PIK3C2G: variants seen among roughly 807,000 people sequenced by gnomAD.
The protein encoded by PIK3C2G is phosphatidylinositol-4-phosphate 3-kinase catalytic subunit type 2 gamma.
PIK3C2G carries 168 observed loss-of-function variants against 181.1 expected under a neutral mutation model. That is an observed-to-expected ratio of 0.93 (90% confidence interval 0.82 to 1.05). PIK3C2G has a LOEUF of 1.05. Ranked by LOEUF, PIK3C2G falls within the 50% of genes least tolerant of loss-of-function variation. The pLI is 0.00. For synonymous variants in PIK3C2G, 573 were observed against 592.2 expected, an observed-to-expected ratio of 0.97 and a Z score of 0.47; for missense variants, 1,869 against 1,732.8, an observed-to-expected ratio of 1.08 and a Z score of -1.40.
intron 2 of PIK3C2G, among the ~76,000 whole-genome samples, chr12:18,283,180 G>A (rs1949298007): frequency 6.6e-6 from 1 of 151,892 alleles, no homozygotes; most frequent in Non-Finnish European, 1.5e-5. Flanking sequence ...ATCATTATTG[G>A]TAGGAAAAAA....
At position 18,521,441 on chromosome 12, in the gene PIK3C2G, C is replaced by T. The variant is rs146753805; in HGVS notation, c.3323+15980C>T. ...GAGATCAGAGTTCTGTCCCCAAGCC[C>T]CTGGCTGGAGTTGTTGGAGTTCCTA... On this transcript the variant is annotated intron_variant, in intron 24 of 32. Coordinates refer to ENST00000538779, the MANE Select transcript of PIK3C2G (RefSeq NM_001288772.2). Among the ~76,000 whole-genome samples, 921 of 152,304 alleles carry T rather than the reference C, an allele frequency of 6.0e-3. 2 individuals are homozygous for T. Among genetic ancestry groups the T allele is most frequent in the Middle Eastern group, 0.01 (3 of 294 alleles).
Position 18,411,324 on chromosome 12 carries a change from A to T in PIK3C2G, c.2316-9617A>T, listed in dbSNP as rs562309376. Among the ~76,000 whole-genome samples, 9 of 152,316 alleles carry T rather than the reference A, an allele frequency of 5.9e-5. No individual in the cohort carries two copies. The East Asian group carries it at 1.5e-3, about 26-fold the overall frequency. On this transcript the variant is annotated intron_variant, in intron 16 of 32. Coordinates refer to ENST00000538779, the MANE Select transcript of PIK3C2G (RefSeq NM_001288772.2). ...GGATGATAGTTTCAGTGACACAAAC[A>T]AATGGTGTTGGGAAAACTGCTTATA... is the stretch of plus-strand genomic sequence containing the variant.
chr12:18,689,523 G>A, the PIK3C2G span, among the ~76,000 whole-genome samples: 1,323 of 152,228 alleles, frequency 8.7e-3, 15 homozygotes, highest in African/African-American at 0.03. Context: ...TTCTTCCAAC[G>A]TGGCCCAGGG....
intron 24 of PIK3C2G, among the ~76,000 whole-genome samples, chr12:18,522,442 G>T (rs1465052903): frequency 6.6e-6 from 1 of 151,654 alleles, no homozygotes; most frequent in Non-Finnish European, 1.5e-5. Flanking sequence ...AGGGCTAGTG[G>T]TGATGAACTC....
At chr12:18,658,222 T>C in the PIK3C2G span, among the ~76,000 whole-genome samples, 1 of 152,084 alleles carries the variant, frequency 6.6e-6, no homozygotes, top group South Asian at 2.1e-4. Context: ...TATTAACATT[T>C]GCATATTAGG....
chr12:18,701,346 C>T, the PIK3C2G span, among the ~76,000 whole-genome samples: 1 of 152,048 alleles, frequency 6.6e-6, no homozygotes, highest in East Asian at 1.9e-4. Flanking sequence ...AATTCATCTT[C>T]CACCATCGAT....
the PIK3C2G span, among the ~76,000 whole-genome samples, chr12:18,723,101 T>C: frequency 6.6e-6 from 1 of 151,954 alleles, no homozygotes; most frequent in Non-Finnish European, 1.5e-5. Context: ...CTGAACAATG[T>C]ATAGGAAAGG....
intron 31 of PIK3C2G, among the ~76,000 whole-genome samples, chr12:18,614,937 C>T (rs1948523035): frequency 6.6e-6 from 1 of 151,982 alleles, no homozygotes; most frequent in Admixed American, 6.6e-5. Flanking sequence ...AATTCCTGAT[C>T]AAAACTTCTC....
exon 1 of PIK3C2G, chr12:18,247,998 A>C (rs898555002): frequency 2.0e-5 from 3 of 151,734 alleles, no homozygotes; most frequent in Non-Finnish European, 4.4e-5. Flanking sequence ...GCAGAAACTA[A>C]CTACCTGGAT....
downstream of PIK3C2G, among the ~76,000 whole-genome samples, chr12:18,650,323 C>CTATA (rs1213171244): frequency 1.8e-3 from 138 of 77,908 alleles, 1 homozygote; most frequent in African/African-American, 5.8e-3. Flanking sequence ...CTCTCTCTCT[C>CTATA]TCTCTCTCTA....
chr12:18,249,962 G>GA (rs1948079694), intron 1 of PIK3C2G, among the ~76,000 whole-genome samples: 1 of 151,650 alleles, frequency 6.6e-6, no homozygotes, highest in African/African-American at 2.4e-5. Flanking sequence ...ATATCACAGT[G>GA]AAAATAATAT....
At chr12:18,424,258 G>A (rs911292041) in intron 18 of PIK3C2G, among the ~76,000 whole-genome samples, 1 of 152,118 alleles carries the variant, frequency 6.6e-6, no homozygotes, top group African/African-American at 2.4e-5. Context: ...TAATCAGGAA[G>A]TTAAATCCAA....
At chr12:18,304,084 G>A (rs936788016) in intron 5 of PIK3C2G, among the ~76,000 whole-genome samples, 1 of 152,006 alleles carries the variant, frequency 6.6e-6, no homozygotes, top group African/African-American at 2.4e-5. Flanking sequence ...CTACTTGAGA[G>A]TCTTGTTTTT....
chr12:18,723,633 A>G, the PIK3C2G span: 1 of 1,000,218 alleles, frequency 1.0e-6, no homozygotes, highest in Non-Finnish European at 1.5e-6. Context: ...GTAGTAATTT[A>G]TACTTGAAAG....
At chr12:18,429,865 G>T (rs2135752420) in intron 18 of PIK3C2G, among the ~76,000 whole-genome samples, 2 of 152,286 alleles carry the variant, frequency 1.3e-5, no homozygotes, top group Non-Finnish European at 2.9e-5. Flanking sequence ...TGCAGTGACT[G>T]CTAACAAAAT....
the PIK3C2G span, among the ~76,000 whole-genome samples, chr12:18,700,385 C>T: frequency 3.9e-4 from 59 of 151,760 alleles, no homozygotes; most frequent in African/African-American, 1.3e-3. Flanking sequence ...TTTGGGAAAA[C>T]ATTTCTTGCT....
At position 18,563,374 on chromosome 12, in the gene PIK3C2G, C is replaced by T. The variant is rs1945448816; in HGVS notation, c.3781-3C>T. ...TTGATTTCTATCTATTTACTTTCTG[C>T]AGCTGTATCTGATCCAGGTGACACA... On this transcript the variant is annotated splice_region_variant and splice_polypyrimidine_tract_variant and intron_variant, in intron 27 of 32. Coordinates refer to ENST00000538779, the MANE Select transcript of PIK3C2G (RefSeq NM_001288772.2). The T allele has an allele frequency of 6.2e-7, 1 of 1,607,226 alleles. No homozygotes were observed. The highest frequency in any genetic ancestry group is 1.1e-5 in the South Asian group (1 of 90,138).
At chr12:18,481,610 T>C (rs1939567407) in intron 18 of PIK3C2G, among the ~76,000 whole-genome samples, 1 of 152,204 alleles carries the variant, frequency 6.6e-6, no homozygotes, top group Admixed American at 6.6e-5. Context: ...TACTCATATA[T>C]ATGCAGTGTT....
intron 30 of PIK3C2G, among the ~76,000 whole-genome samples, chr12:18,607,538 C>T (rs1948093890): frequency 6.6e-6 from 1 of 152,094 alleles, no homozygotes; most frequent in Non-Finnish European, 1.5e-5. Flanking sequence ...ACACCTTATA[C>T]AAAAATTAAT....
Sources: allele counts gnomAD v4.1 joint callset (sites outside exome capture counted in the v4.1 genomes callset), GRCh38; gene constraint gnomAD v4.1.1; transcripts MANE v1.5; gene names NCBI Gene and HGNC (gene_info 2026-07-23, HGNC 2026-07-21).